The following UBE2J2 variants were observed in gnomAD, a reference collection of about 807,000 sequenced individuals.
The protein encoded by UBE2J2 is ubiquitin conjugating enzyme E2 J2.
A neutral mutation model predicts 28.6 loss-of-function variants in UBE2J2; 5 were observed. The observed-to-expected ratio is 0.17, with a 90% CI of 0.09 to 0.37. The LOEUF is 0.37. Ranked by LOEUF, UBE2J2 falls within the 10% of genes least tolerant of loss-of-function variation. The probability of loss-of-function intolerance (pLI) is 1.00; values close to 1 mark genes in which losing one functional copy is unlikely to be tolerated. For synonymous variants in UBE2J2, 138 were observed against 139.7 expected (o/e 0.99, Z 0.09); for missense variants, 226 against 338.9 (o/e 0.67, Z 2.62).
chr1:1,259,872 C>T (rs957101415), intron 3 of UBE2J2, among the ~76,000 whole-genome samples: 7 of 152,178 alleles, frequency 4.6e-5, no homozygotes, highest in African/African-American at 1.7e-4. Context: ...CGCCCTGGAC[C>T]CAATAAAGGG....
chr1:1,258,293 G>A (rs1040800383), intron 3 of UBE2J2, among the ~76,000 whole-genome samples: 20 of 151,974 alleles, frequency 1.3e-4, no homozygotes, highest in Admixed American at 3.9e-4. Flanking sequence ...CGCCCGCCTC[G>A]GCCTCCCAAG....
chr1:1,271,974 CAAAAAAAAAAA>C (rs60924258), intron 1 of UBE2J2, among the ~76,000 whole-genome samples: 64 of 27,614 alleles, frequency 2.3e-3, no homozygotes, highest in East Asian at 9.9e-3. Context: ...AACTCCGTCT[CAAAAAAAAAAA>C]AAAAAAAAAA....
At chr1:1,257,172 G>A in intron 4 of UBE2J2, 36 bp downstream of exon 4, 1 of 1,601,772 alleles carries the variant, frequency 6.2e-7, no homozygotes. Context: ...CCCCACCGCA[G>A]CCAGAAAGCC....
rs1457788392 is a variant in UBE2J2 at position 1,268,438 on chromosome 1, C to T, written c.1-446G>A. The stretch of plus-strand genomic sequence containing the variant: ...GGGCAGGCACCACCGCCGGCCCCTT[C>T]ACCGCACCCGGAAGCCCGCTGCCCA... On this transcript the variant is annotated intron_variant, in intron 1 of 6. Transcript: ENST00000349431. This position sits in a 1 kb window ranked among gnomAD's most constrained non-coding sequence, Gnocchi z 4.7. Among the ~76,000 whole-genome samples, 1 of 152,178 alleles carries T rather than the reference C, an allele frequency of 6.6e-6. No individual in the cohort carries two copies. Among genetic ancestry groups the T allele is most frequent in the African/African-American group, 2.4e-5 (1 of 41,440 alleles).
chr1:1,263,125 C>CA lies in UBE2J2; in HGVS notation c.172+220dup, dbSNP rs370510865. On this transcript the variant is annotated intron_variant, in intron 3 of 6. Transcript: ENST00000349431. ...CTATGGTGTCAGAGGCTGGTGAACACAGACGCTACAGGCGGCCCTGCAGGC... is the reference window on the plus strand; with the variant it reads ...CTATGGTGTCAGAGGCTGGTGAACACAAGACGCTACAGGCGGCCCTGCAGGC... 850 of 535,536 alleles carry CA rather than the reference C, an allele frequency of 1.6e-3. 11 individuals are homozygous for CA. The highest frequency in any genetic ancestry group is 0.013 in the African/African-American group (712 of 53,296). The allele number at this position is 535,536 out of a possible 1,614,324, so 33.2% of individuals were successfully genotyped here.
chr1:1,255,582 G>A (rs982073235), intron 6 of UBE2J2, 95 bp from the exon 7 acceptor site: 41 of 1,417,476 alleles, frequency 2.9e-5, no homozygotes, highest in Non-Finnish European at 3.7e-5. Context: ...CCACCACCAA[G>A]AACCAAGCCC....
chr1:1,257,142 G>C lies in UBE2J2; in HGVS notation c.276-12C>G. 6.2e-7 allele frequency: 1 copy of C among 1,608,938 alleles called. No homozygotes were observed. The highest frequency in any genetic ancestry group is 8.5e-7 in the Non-Finnish European group (1 of 1,177,116). ...TAGAAAGACACAGCCTGCAAAACGG[G>C]GGCCCCGTCAGTGCACACTCCCCAC... On this transcript the variant is annotated splice_polypyrimidine_tract_variant and intron_variant, in intron 4 of 6. Transcript: ENST00000349431.
chr1:1,268,865 T>G lies in UBE2J2; in HGVS notation c.1-873A>C, dbSNP rs1640010235. The stretch of plus-strand genomic sequence containing the variant: ...GCTAATTTTTTTTTTTTTGTAGAGC[T>G]GGGATCTCACTATGTTGCCCAAGGT... On this transcript the variant is annotated intron_variant, in intron 1 of 6. Transcript: ENST00000349431. The surrounding 1 kb of genome is among the most constrained non-coding windows in gnomAD (Gnocchi z 4.7). 6.6e-6 allele frequency among the ~76,000 whole-genome samples: 1 copy of G among 151,896 alleles called. No individual in the cohort carries two copies. Among genetic ancestry groups the G allele is most frequent in the Non-Finnish European group, 1.5e-5 (1 of 67,960 alleles).
chr1:1,259,165 A>C (rs77131666), intron 3 of UBE2J2, among the ~76,000 whole-genome samples: 1 of 134,094 alleles, frequency 7.5e-6, no homozygotes, highest in Non-Finnish European at 1.6e-5. Flanking sequence ...TGCGTGTCTG[A>C]GTGTGTGCAT....
chr1:1,256,455 G>A (rs1229818953), intron 5 of UBE2J2: 2 of 292,262 alleles, frequency 6.8e-6, no homozygotes, highest in Non-Finnish European at 1.3e-5. Context: ...CCCCTGGCGG[G>A]TGTGGATGAG....
Position 1,254,017 on chromosome 1 carries a change from CG to C in UBE2J2, c.*1185del, listed in dbSNP as rs1639044236. 6.6e-6 allele frequency: 1 copy of C among 152,230 alleles called. No homozygotes were observed. The highest frequency in any genetic ancestry group is 1.5e-5 in the Non-Finnish European group (1 of 68,038). The allele number at this position is 152,230 out of a possible 1,614,324, so 9.4% of individuals were successfully genotyped here. ...AATTCTGAATAAACTGATCAAAAAA[CG>C]AAGAAAGATGAGCGCGTGCGGGCTG... On this transcript the variant is annotated 3_prime_UTR_variant, in exon 7 of 7. Transcript: ENST00000349431.
chr1:1,267,101 C>A (rs1639912375), intron 2 of UBE2J2, among the ~76,000 whole-genome samples: 2 of 151,980 alleles, frequency 1.3e-5, no homozygotes, highest in African/African-American at 4.8e-5. Flanking sequence ...GTTGACCAGG[C>A]TGGTCTCGAA....
chr1:1,255,205 A>G lies in UBE2J2; in HGVS notation c.778T>C (p.Ter260ArgextTer36). The change falls in exon 7 of 7, where the codon TGA becomes CGA. Residue 260 changes from the stop codon to arginine, a stop_lost. Coordinates refer to ENST00000349431, the MANE Select transcript of UBE2J2 (RefSeq NM_058167.3). ...KYVLRSIAQE[*>R] ...CCTTGGGTCTCGGCGCCTGGGCCTCACTCCTGCGCGATGCTCCTCAGCACG... is the reference window on the plus strand; with the variant it reads ...CCTTGGGTCTCGGCGCCTGGGCCTCGCTCCTGCGCGATGCTCCTCAGCACG... 6.3e-7 allele frequency: 1 copy of G among 1,583,958 alleles called. No individual in the cohort carries two copies. The highest frequency in any genetic ancestry group is 8.6e-7 in the Non-Finnish European group (1 of 1,160,306).
intron 1 of UBE2J2, chr1:1,272,708 C>T: frequency 5.2e-6 from 1 of 193,298 alleles, no homozygotes; most frequent in Non-Finnish European, 1.1e-5. Context: ...GCTCACCTGC[C>T]TGTCACTCAC....
intron 3 of UBE2J2, among the ~76,000 whole-genome samples, chr1:1,258,186 C>T (rs917593471): frequency 3.4e-5 from 5 of 148,782 alleles, no homozygotes; most frequent in African/African-American, 1.0e-4. Flanking sequence ...ACTATAGGCG[C>T]GCGCCACCAC....
chr1:1,266,208 G>A, intron 2 of UBE2J2: 4 of 1,268,692 alleles, frequency 3.2e-6, no homozygotes, highest in South Asian at 1.3e-5. Context: ...TGCCTGGGCT[G>A]GGCCTCCTCT....
At chr1:1,259,890 G>C (rs1401091955) in intron 3 of UBE2J2, among the ~76,000 whole-genome samples, 3 of 150,748 alleles carry the variant, frequency 2.0e-5, no homozygotes, top group Non-Finnish European at 4.4e-5. Flanking sequence ...GGGTCGGCCT[G>C]GGGGTTCCAG....
chr1:1,257,407 C>CCCCA, intron 3 of UBE2J2, 97 bp from the exon 4 acceptor site: 1 of 554,638 alleles, frequency 1.8e-6, no homozygotes, highest in Non-Finnish European at 2.8e-6. Flanking sequence ...CCCCCCCCCC[C>CCCCA]CTCAGCTCGG....
intron 1 of UBE2J2, among the ~76,000 whole-genome samples, chr1:1,269,181 T>C (rs1157764857): frequency 7.2e-6 from 1 of 139,670 alleles, no homozygotes; most frequent in African/African-American, 2.7e-5. Context: ...GTGATCATCA[T>C]GCAAGAGAGG....
Sources: allele counts gnomAD v4.1 joint callset (sites outside exome capture counted in the v4.1 genomes callset), GRCh38; gene constraint gnomAD v4.1.1; non-coding constraint Gnocchi (gnomAD v3.1); transcripts MANE v1.5; gene names NCBI Gene and HGNC (gene_info 2026-07-23, HGNC 2026-07-21).